The following ATP13A5 variants were observed in gnomAD, a reference collection of about 807,000 sequenced individuals.
ATP13A5 encodes the protein ATPase 13A5, also known as probable cation-transporting ATPase 13A5.
In ATP13A5, 149 loss-of-function variants were observed where a neutral mutation model predicts 150.2. The observed-to-expected ratio is 0.99, with a 90% CI of 0.87 to 1.14. ATP13A5 has a LOEUF of 1.14. Among genes scored for constraint, ATP13A5 ranks in the 50% most tolerant of loss-of-function variants. ATP13A5 has a pLI of 0.00. For synonymous variants in ATP13A5, 497 were observed against 522.2 expected (o/e 0.95, Z 0.66); for missense variants, 1,383 against 1,449.3 (o/e 0.95, Z 0.74).
rs1304761580 is a variant in ATP13A5, at chr3:193,335,161, A to T, written c.944-62T>A. ...TCAGGTAGTTGGTCAGAACTGGTGC[A>T]TGCCAGTTTCAAGAAATTATACAAA... On this transcript the variant is annotated intron_variant, in intron 9 of 29. Transcript: ENST00000342358. The T allele has an allele frequency of 8.7e-6, 13 of 1,499,792 alleles. No homozygotes were observed. In the Admixed American group the frequency reaches 8.7e-5, roughly 10 times the overall value. 92.9% of individuals were successfully genotyped at this position (1,499,792 alleles called of 1,614,324 possible). A position where few individuals can be genotyped will look rare whatever the true frequency, so the allele number is the denominator to read the frequency against.
intron 1 of ATP13A5, among the ~76,000 whole-genome samples, chr3:193,370,823 GT>G (rs1713413381): frequency 6.6e-6 from 1 of 152,108 alleles, no homozygotes; most frequent in South Asian, 2.1e-4. Flanking sequence ...TAAATTATTT[GT>G]AGAACAAAAA....
chr3:193,343,938 C>A lies in ATP13A5; in HGVS notation c.932G>T (p.Gly311Val). The A allele has an allele frequency of 1.9e-6, 3 of 1,612,826 alleles. No homozygotes were observed. The highest frequency in any genetic ancestry group is 1.1e-5 in the South Asian group (1 of 90,970). Residue 311 changes from glycine (G) to valine (V), a missense_variant, in exon 9 of 30, where the codon GGC (glycine) becomes GTC (valine). Transcript: ENST00000342358. ...LIDGSCVVNEGMLTGESIPVT... is the reference protein window; with the variant it reads ...LIDGSCVVNEVMLTGESIPVT... ...TGACAACTGCCTACCTGTAAGCATGCCTTCATTCACCACGCAGCTTCCATC... is the reference window on the plus strand; with the variant it reads ...TGACAACTGCCTACCTGTAAGCATGACTTCATTCACCACGCAGCTTCCATC...
At chr3:193,294,802 G>T (rs188535509) in intron 25 of ATP13A5, among the ~76,000 whole-genome samples, 1 of 152,070 alleles carries the variant, frequency 6.6e-6, no homozygotes, top group South Asian at 2.1e-4. Context: ...CTAACTTACC[G>T]AATACCATAG....
chr3:193,286,814 T>G (rs1481787640), intron 26 of ATP13A5, among the ~76,000 whole-genome samples: 1 of 152,056 alleles, frequency 6.6e-6, no homozygotes, highest in Non-Finnish European at 1.5e-5. Context: ...GTAAGCTTAG[T>G]GAGGAAGGCA....
rs998823825 is a variant in ATP13A5, at chr3:193,275,223, G to T, written c.3476C>A (p.Thr1159Asn). The T allele has an allele frequency of 1.2e-6, 2 of 1,614,030 alleles. No individual in the cohort carries two copies. Among genetic ancestry groups the T allele is most frequent in the African/African-American group, 2.7e-5 (2 of 74,906 alleles). The change falls in exon 30 of 30, where the codon ACT (threonine) becomes AAT (asparagine). Residue 1159 changes from threonine to asparagine, a missense_variant. Coordinates refer to ENST00000342358, the MANE Select transcript of ATP13A5 (RefSeq NM_198505.4). Reference protein sequence around the residue: ...FGFYSKSQYRTWQKKLAEDST... With the variant: ...FGFYSKSQYRNWQKKLAEDST... ...GTCTTCTGCTAGCTTCTTTTGCCAA[G>T]TCCTATATTGACTTTTAGAGTAGAA...
intron 11 of ATP13A5, 22 bp from the exon 12 acceptor site, chr3:193,331,333 C>T (rs759977275): frequency 2.5e-6 from 4 of 1,605,824 alleles, no homozygotes; most frequent in Non-Finnish European, 3.4e-6. Flanking sequence ...CAGACATTTT[C>T]ATACAGGATA....
At chr3:193,279,058 G>A (rs760406276) in intron 28 of ATP13A5, among the ~76,000 whole-genome samples, 1 of 151,778 alleles carries the variant, frequency 6.6e-6, no homozygotes, top group Non-Finnish European at 1.5e-5. Flanking sequence ...TTTGAAAATT[G>A]TACTTGGAAA....
chr3:193,360,339 TTGCA>T (rs1712958067), intron 5 of ATP13A5, among the ~76,000 whole-genome samples: 1 of 152,238 alleles, frequency 6.6e-6, no homozygotes, highest in Admixed American at 6.5e-5. Flanking sequence ...TAGAAAAAGT[TTGCA>T]TGTAAACTCT....
intron 7 of ATP13A5, among the ~76,000 whole-genome samples, chr3:193,349,515 A>G (rs1712481331): frequency 6.6e-6 from 1 of 152,110 alleles, no homozygotes; most frequent in African/African-American, 2.4e-5. Flanking sequence ...CAATATATAA[A>G]TGTTCATCCA....
intron 17 of ATP13A5, among the ~76,000 whole-genome samples, chr3:193,317,238 T>C (rs2108858024): frequency 6.6e-6 from 1 of 152,346 alleles, no homozygotes; most frequent in East Asian, 1.9e-4. Context: ...CTGAGGACTT[T>C]GCTGATTGCC....
rs34072839 is a variant in ATP13A5 at position 193,329,244 on chromosome 3, G to GA, written c.1461+1878dup. ...GACAGAGCGAGACTCCATCTCAAAA[G>GA]AAAAAAAAAAAAAGGTCACACAAAG... On this transcript the variant is annotated intron_variant, in intron 12 of 29. Coordinates refer to ENST00000342358, the MANE Select transcript of ATP13A5 (RefSeq NM_198505.4). 2.3e-3 allele frequency among the ~76,000 whole-genome samples: 322 copies of GA among 141,712 alleles called. 1 individual carries two copies. The highest frequency in any genetic ancestry group is 7.6e-3 in the African/African-American group (280 of 36,748). The allele number at this position is 141,712 out of a possible 152,430, so 93.0% of individuals were successfully genotyped here.
chr3:193,320,225 A>C (rs893685782), intron 16 of ATP13A5, among the ~76,000 whole-genome samples: 2 of 152,150 alleles, frequency 1.3e-5, no homozygotes, highest in Non-Finnish European at 2.9e-5. Context: ...TTAGTTTCTC[A>C]TCCATAAAAT....
chr3:193,367,926 A>T (rs1713290803), intron 1 of ATP13A5, among the ~76,000 whole-genome samples: 1 of 144,894 alleles, frequency 6.9e-6, no homozygotes, highest in African/African-American at 2.5e-5. Flanking sequence ...TTATCAGTAC[A>T]GTACTAGAAG....
At chr3:193,305,805 C>T in intron 22 of ATP13A5, 137 bp from the exon 23 acceptor site, 6 of 700,452 alleles carry the variant, frequency 8.6e-6, no homozygotes, top group Non-Finnish European at 1.5e-5. Context: ...TTAATGCTGT[C>T]CCTCCACCTG....
At chr3:193,356,552 C>A (rs948282066) in intron 5 of ATP13A5, among the ~76,000 whole-genome samples, 1 of 152,006 alleles carries the variant, frequency 6.6e-6, no homozygotes, top group African/African-American at 2.4e-5. Flanking sequence ...TGAGACCAGC[C>A]TGGGCAACAA....
intron 27 of ATP13A5, among the ~76,000 whole-genome samples, chr3:193,282,381 C>A (rs908794013): frequency 2.2e-4 from 33 of 146,950 alleles, no homozygotes; most frequent in African/African-American, 8.0e-4. Flanking sequence ...GGATTAGTTT[C>A]TTTTTTTTTT....
chr3:193,341,464 T>C (rs1712125024), intron 9 of ATP13A5, among the ~76,000 whole-genome samples: 1 of 152,158 alleles, frequency 6.6e-6, no homozygotes, highest in Non-Finnish European at 1.5e-5. Context: ...AGATGTGGTG[T>C]GTCCCTGAGA....
chr3:193,302,919 A>G (rs917530063), intron 23 of ATP13A5, among the ~76,000 whole-genome samples: 2 of 152,186 alleles, frequency 1.3e-5, no homozygotes, highest in Non-Finnish European at 2.9e-5. Flanking sequence ...TTTCTACCCT[A>G]GCGTCTTACT....
At chr3:193,378,569 A>G (rs1041661422) in intron 1 of ATP13A5, 94 bp downstream of exon 1, 1 of 1,144,308 alleles carries the variant, frequency 8.7e-7, no homozygotes, top group Non-Finnish European at 1.3e-6. Flanking sequence ...AGCCTGAAGC[A>G]TAAATGCTAC....
Sources: gnomAD v4.1 joint callset for allele counts (sites outside exome capture counted in the v4.1 genomes callset) on GRCh38, gnomAD v4.1.1 for gene constraint, MANE v1.5 for transcripts, NCBI Gene and HGNC (gene_info 2026-07-23, HGNC 2026-07-21) for gene names.